The following KAZN variants were observed in gnomAD, a reference collection of about 807,000 sequenced individuals.
KAZN encodes kazrin.
KAZN carries 40 observed loss-of-function variants against 87.4 expected under a neutral mutation model. The observed-to-expected ratio is 0.46, with a 90% CI of 0.36 to 0.60. The LOEUF (loss-of-function observed/expected upper bound fraction) is 0.60, where lower values mean the gene tolerates loss of function less well. Ranked by LOEUF, KAZN falls within the 20% of genes least tolerant of loss-of-function variation. The probability of loss-of-function intolerance (pLI) is 0.00; values close to 1 mark genes in which losing one functional copy is unlikely to be tolerated. For missense variants in KAZN, 898 were observed against 1,073.9 expected (o/e 0.84, Z 2.29); for synonymous variants, 466 against 458.3 (o/e 1.02, Z -0.22).
intron 4 of KAZN, among the ~76,000 whole-genome samples, chr1:15,055,369 C>A (rs1055919534): frequency 6.6e-6 from 1 of 152,126 alleles, no homozygotes; most frequent in African/African-American, 2.4e-5. Context: ...CCTAGCTACA[C>A]GTGAGGTTGA....
At chr1:13,982,260 G>A (rs1185192597) in intron 1 of KAZN, among the ~76,000 whole-genome samples, 1 of 152,148 alleles carries the variant, frequency 6.6e-6, no homozygotes, top group African/African-American at 2.4e-5. Context: ...GAATTGGTGG[G>A]TTCTTGGTCT....
chr1:14,701,632 TAC>T (rs1310475493), intron 1 of KAZN, among the ~76,000 whole-genome samples: 2 of 152,118 alleles, frequency 1.3e-5, no homozygotes, highest in African/African-American at 4.8e-5. Context: ...TCTCTACCAA[TAC>T]AGTTTTTTAG....
intron 2 of KAZN, among the ~76,000 whole-genome samples, chr1:14,982,186 G>A (rs1666310919): frequency 6.6e-6 from 1 of 152,152 alleles, no homozygotes; most frequent in Non-Finnish European, 1.5e-5. Flanking sequence ...ACACACGGCT[G>A]GCAAGTGGAG....
intron 1 of KAZN, among the ~76,000 whole-genome samples, chr1:14,693,430 G>A (rs1351651093): frequency 1.3e-5 from 2 of 152,186 alleles, no homozygotes; most frequent in Non-Finnish European, 1.5e-5. Context: ...TGGAAGAGGA[G>A]GATCCTAAGC....
intron 1 of KAZN, among the ~76,000 whole-genome samples, chr1:13,931,471 C>T (rs867267543): frequency 2.6e-4 from 39 of 147,876 alleles, no homozygotes; most frequent in Admixed American, 7.5e-4. Flanking sequence ...TGTGTGCATG[C>T]GTGTGTGTGT....
At chr1:14,188,746 G>T (rs541237316) in intron 2 of KAZN, among the ~76,000 whole-genome samples, 52 of 152,264 alleles carry the variant, frequency 3.4e-4, no homozygotes, top group African/African-American at 1.2e-3. Context: ...ATGCACTCAG[G>T]AAATGTAAAC....
chr1:14,376,129 C>T (rs140111914), intron 2 of KAZN, among the ~76,000 whole-genome samples: 1 of 152,284 alleles, frequency 6.6e-6, no homozygotes, highest in East Asian at 1.9e-4. Context: ...AGAATACCAA[C>T]TGATTTCCCA....
chr1:14,112,107 C>T lies in KAZN; in HGVS notation c.92-68328C>T, dbSNP rs935533282. Among the ~76,000 whole-genome samples the T allele has an allele frequency of 6.2e-5, 6 of 97,430 alleles. 1 individual carries two copies. Among genetic ancestry groups the T allele is most frequent in the Admixed American group, 1.9e-4 (2 of 10,298 alleles). 63.9% of individuals were successfully genotyped at this position (97,430 alleles called of 152,430 possible). On this transcript the variant is annotated intron_variant, in intron 1 of 16. Coordinates refer to the KAZN transcript ENST00000636203. ...CACCCTCCAGGCTTAGAGGGTCTGC[C>T]GCAGCTTTGCCATATCTGACTGCTG...
chr1:14,929,208 A>G (rs765586880), intron 1 of KAZN, among the ~76,000 whole-genome samples: 5 of 152,274 alleles, frequency 3.3e-5, no homozygotes, highest in Non-Finnish European at 7.3e-5. Context: ...CTATTCCTCT[A>G]GACTCCAAAG....
At chr1:14,011,892 A>G (rs940414380) in intron 1 of KAZN, among the ~76,000 whole-genome samples, 2 of 152,194 alleles carry the variant, frequency 1.3e-5, no homozygotes, top group Admixed American at 6.5e-5. Flanking sequence ...ATTACCTTGA[A>G]TCACATCTGT....
intron 2 of KAZN, among the ~76,000 whole-genome samples, chr1:14,270,617 A>G (rs986709334): frequency 2.0e-5 from 3 of 152,196 alleles, no homozygotes; most frequent in Non-Finnish European, 4.4e-5. Context: ...ATCCTACCAT[A>G]GAAGCATAGT....
chr1:14,993,707 C>T (rs1477636801), intron 2 of KAZN, among the ~76,000 whole-genome samples: 1 of 152,194 alleles, frequency 6.6e-6, no homozygotes. Context: ...GAACTGGGCA[C>T]TTCTGAGCCC....
chr1:13,948,441 T>A (rs58153359), intron 1 of KAZN, among the ~76,000 whole-genome samples: 1 of 152,232 alleles, frequency 6.6e-6, no homozygotes, highest in Non-Finnish European at 1.5e-5. Context: ...AAGAGATGCC[T>A]TCTGCCATGA....
At chr1:15,028,541 T>C (rs760431623) in intron 2 of KAZN, among the ~76,000 whole-genome samples, 2 of 152,240 alleles carry the variant, frequency 1.3e-5, no homozygotes, top group Non-Finnish European at 2.9e-5. Context: ...ATCATTTTCA[T>C]AGCTGTGTGT....
chr1:14,599,937 CG>C lies in KAZN; in HGVS notation c.226+716del, dbSNP rs1676824356. ...AGGGAGCCCGTTTGAAGGGACTCTG[CG>C]GTTTAGAGAAGAGGAAGAAAAAGAC... On this transcript the variant is annotated intron_variant, in intron 1 of 14. Coordinates refer to ENST00000376030, the MANE Select transcript of KAZN (RefSeq NM_201628.3). This position sits in a 1 kb window ranked among gnomAD's most constrained non-coding sequence, Gnocchi z 4.4. 6.6e-6 allele frequency among the ~76,000 whole-genome samples: 1 copy of C among 151,774 alleles called. No homozygotes were observed. The highest frequency in any genetic ancestry group is 1.5e-5 in the Non-Finnish European group (1 of 67,994).
At chr1:13,976,299 T>A (rs947186443) in intron 1 of KAZN, among the ~76,000 whole-genome samples, 3 of 152,214 alleles carry the variant, frequency 2.0e-5, no homozygotes, top group Non-Finnish European at 2.9e-5. Context: ...ATCTGTAATG[T>A]AACGGTTTTA....
Position 14,988,976 on chromosome 1 carries a change from G to T in KAZN, c.418+28101G>T, listed in dbSNP as rs1035796103. Among the ~76,000 whole-genome samples the T allele has an allele frequency of 2.6e-5, 4 of 152,294 alleles. No individual in the cohort carries two copies. In the South Asian group the frequency reaches 8.3e-4, roughly 32 times the overall value. ...GTCTGGTAGCTGCAGTTTGTCCCTC[G>T]TTGTGCCACACTTTGCACCACCACC... On this transcript the variant is annotated intron_variant, in intron 2 of 14. Transcript: ENST00000376030.
intron 1 of KAZN, among the ~76,000 whole-genome samples, chr1:14,664,894 A>G (rs74791270): frequency 6.6e-6 from 1 of 152,056 alleles, no homozygotes; most frequent in Non-Finnish European, 1.5e-5. Context: ...TGACCTCGTG[A>G]TCTGCCTGCC....
At chr1:14,473,355 G>T (rs541028800) in intron 2 of KAZN, among the ~76,000 whole-genome samples, 1 of 152,100 alleles carries the variant, frequency 6.6e-6, no homozygotes, top group African/African-American at 2.4e-5. Context: ...TTGGCTGGGC[G>T]TGGTGGCTCA....
Sources: gnomAD v4.1 joint callset for allele counts (sites outside exome capture counted in the v4.1 genomes callset) on GRCh38, gnomAD v4.1.1 for gene constraint, Gnocchi (gnomAD v3.1) non-coding constraint, MANE v1.5 for transcripts, NCBI Gene and HGNC (gene_info 2026-07-23, HGNC 2026-07-21) for gene names.